The following CUL3 variants were observed in gnomAD, a reference collection of about 807,000 sequenced individuals.
The protein encoded by CUL3 is cullin-3.
A neutral mutation model predicts 89.1 loss-of-function variants in CUL3; 19 were observed. The observed-to-expected ratio is 0.21, with a 90% confidence interval of 0.15 to 0.31. The LOEUF (loss-of-function observed/expected upper bound fraction) is 0.31. Ranked by LOEUF, CUL3 falls within the 10% of genes least tolerant of loss-of-function variation. The pLI is 1.00. For synonymous variants in CUL3, 351 were observed against 308.4 expected, an observed-to-expected ratio of 1.14 and a Z score of -1.45; for missense variants, 469 against 942.3, an observed-to-expected ratio of 0.50 and a Z score of 6.58.
intron 13 of CUL3, among the ~76,000 whole-genome samples, chr2:224,490,775 C>T (rs937039877): frequency 2.0e-5 from 3 of 151,316 alleles, no homozygotes; most frequent in Non-Finnish European, 4.4e-5. Flanking sequence ...TGCTTCTGGA[C>T]TCCCTTTTGT....
rs35741506 is a variant in CUL3 at position 224,557,522 on chromosome 2, AT to A, written c.264+136del. 275,032 of 555,492 alleles carry A rather than the reference AT, an allele frequency of 0.5. 68,829 individuals are homozygous for A. The highest frequency in any genetic ancestry group is 0.61 in the East Asian group (21,392 of 34,964). 34.4% of individuals were successfully genotyped at this position (555,492 alleles called of 1,614,324 possible). A position where few individuals can be genotyped will look rare whatever the true frequency, so the allele number is the denominator to read the frequency against. ...GATTATAAATTTTTCATGAGTGCTT[AT>A]TAACAGTCACGAATTAGTAATTTCT... On this transcript the variant is annotated intron_variant, in intron 2 of 15. Coordinates refer to ENST00000264414, the MANE Select transcript of CUL3 (RefSeq NM_003590.5).
chr2:224,562,123 C>G (rs1694921034), intron 1 of CUL3, among the ~76,000 whole-genome samples: 1 of 152,138 alleles, frequency 6.6e-6, no homozygotes, highest in South Asian at 2.1e-4. Flanking sequence ...AATTTTAAAA[C>G]TATAAAACCA....
rs2106206028 is a variant in CUL3, at chr2:224,506,921, C to T, written c.966G>A (p.Arg322=). Residue 322 remains arginine (R), a synonymous_variant, in exon 7 of 16, where the codon AGG becomes AGA. Transcript: ENST00000264414. The part of the protein sequence containing the change: ...TMCECMSSYL[R]EQGKALVSEE... ...CAGAAACAAGAGCTTTACCTTGCTC[C>T]CTCAAATAGGAACTCATACACTCAC... 2 of 1,613,560 alleles carry T rather than the reference C, an allele frequency of 1.2e-6. No individual in the cohort carries two copies. The highest frequency in any genetic ancestry group is 2.2e-5 in the East Asian group (1 of 44,804).
intron 2 of CUL3, among the ~76,000 whole-genome samples, chr2:224,551,503 T>C (rs1415362317): frequency 1.3e-5 from 2 of 150,990 alleles, no homozygotes; most frequent in Non-Finnish European, 3.0e-5. Flanking sequence ...CCACGCCTGG[T>C]CAATTTTTTT....
intron 15 of CUL3, among the ~76,000 whole-genome samples, chr2:224,477,027 C>T (rs898250560): frequency 5.9e-5 from 9 of 152,202 alleles, no homozygotes; most frequent in African/African-American, 2.2e-4. Context: ...TAACCTGTCA[C>T]GTAATTGCCA....
At position 224,506,049 on chromosome 2, in the gene CUL3, C is replaced by T. The variant is rs922963076; in HGVS notation, c.1113G>A (p.Ala371=). ...GGTTGAGAAAATACTCAAAGTCACC[C>T]GCAATAGTTTGTTTAAAGAGACGGT... The part of the protein sequence containing the change: ...NNDRLFKQTI[A]GDFEYFLNLN... Residue 371 remains alanine, a synonymous_variant, in exon 8 of 16, where the codon GCG becomes GCA. Transcript: ENST00000264414. 3 of 1,612,600 alleles carry T rather than the reference C, an allele frequency of 1.9e-6. No homozygotes were observed. The highest frequency in any genetic ancestry group is 2.5e-6 in the Non-Finnish European group (3 of 1,179,106).
At chr2:224,563,142 A>C in intron 1 of CUL3, 1 of 421,106 alleles carries the variant, frequency 2.4e-6, no homozygotes, top group South Asian at 1.8e-5. Context: ...GCAAATATAC[A>C]GATATGAGCT....
At chr2:224,501,538 A>G (rs1295610302) in intron 10 of CUL3, among the ~76,000 whole-genome samples, 3 of 152,214 alleles carry the variant, frequency 2.0e-5, no homozygotes, top group East Asian at 1.9e-4. Context: ...TCTTACCTCA[A>G]TGATTTAGTA....
intron 1 of CUL3, 42 bp from the exon 2 acceptor site, chr2:224,557,898 A>AAAC: frequency 1.8e-6 from 2 of 1,138,248 alleles, no homozygotes; most frequent in African/African-American, 1.6e-5. Flanking sequence ...AAAAAAAAAA[A>AAAC]AAAAAAACCA....
intron 2 of CUL3, among the ~76,000 whole-genome samples, chr2:224,544,199 A>G (rs899146858): frequency 1.3e-5 from 2 of 152,180 alleles, no homozygotes; most frequent in Admixed American, 1.3e-4. Flanking sequence ...ACTTAGCACC[A>G]CTGCAGAAAA....
At chr2:224,506,769 C>A in intron 7 of CUL3, 89 bp downstream of exon 7, 1 of 1,098,346 alleles carries the variant, frequency 9.1e-7, no homozygotes, top group Non-Finnish European at 1.3e-6. Flanking sequence ...GTTGAAAGTA[C>A]ACAATACACA....
intron 12 of CUL3, 123 bp downstream of exon 12, chr2:224,497,626 CCTTT>C: frequency 1.5e-6 from 1 of 670,944 alleles, no homozygotes; most frequent in African/African-American, 1.8e-5. Flanking sequence ...GGATTTTTAA[CCTTT>C]CTAACATGTG....
chr2:224,577,853 A>C (rs1355544113), intron 1 of CUL3, among the ~76,000 whole-genome samples: 1 of 152,228 alleles, frequency 6.6e-6, no homozygotes, highest in Non-Finnish European at 1.5e-5. Flanking sequence ...CACAGAAGTT[A>C]AACGGATACA....
In CUL3 at chr2:224,511,448, C is replaced by G. The variant is rs746374024; in HGVS notation, c.789G>C (p.Val263=). ...DKSTEEPIVK[V]VERELISKHM... ...GCTTGGAAATGAGTTCCCTTTCAAC[C>G]ACCTTTACAATTGGTTCTTCCGTTG... The change falls in exon 6 of 16, where the codon GTG becomes GTC. Residue 263 remains valine, a synonymous_variant. Transcript: ENST00000264414. The G allele has an allele frequency of 6.2e-7, 1 of 1,613,874 alleles. No individual in the cohort carries two copies. Among genetic ancestry groups the G allele is most frequent in the East Asian group, 2.2e-5 (1 of 44,808 alleles).
At chr2:224,561,678 T>C (rs1044905881) in intron 1 of CUL3, among the ~76,000 whole-genome samples, 2 of 152,208 alleles carry the variant, frequency 1.3e-5, no homozygotes, top group African/African-American at 4.8e-5. Flanking sequence ...CCCCTACACC[T>C]ATACTGCTAC....
chr2:224,543,734 G>A (rs1694197033), intron 2 of CUL3, among the ~76,000 whole-genome samples: 1 of 152,178 alleles, frequency 6.6e-6, no homozygotes, highest in African/African-American at 2.4e-5. Flanking sequence ...TATAATCCCA[G>A]CACTCTGTGA....
At chr2:224,535,247 C>A (rs1482711942) in intron 3 of CUL3, among the ~76,000 whole-genome samples, 1 of 152,124 alleles carries the variant, frequency 6.6e-6, no homozygotes, top group Non-Finnish European at 1.5e-5. Flanking sequence ...AGTGCAGTGG[C>A]ACGATCTTGG....
chr2:224,581,045 A>G (rs996917135), intron 1 of CUL3, among the ~76,000 whole-genome samples: 1 of 152,216 alleles, frequency 6.6e-6, no homozygotes, highest in Non-Finnish European at 1.5e-5. Flanking sequence ...ACTATATTAC[A>G]TATTTTACAT....
intron 2 of CUL3, among the ~76,000 whole-genome samples, chr2:224,538,709 G>A (rs1693981765): frequency 6.6e-6 from 1 of 152,216 alleles, no homozygotes; most frequent in Non-Finnish European, 1.5e-5. Context: ...CAACACCAGA[G>A]AAATTGAGAG....
Sources: gnomAD v4.1 joint callset for allele counts (sites outside exome capture counted in the v4.1 genomes callset) on GRCh38, gnomAD v4.1.1 for gene constraint, MANE v1.5 for transcripts, NCBI Gene and HGNC (gene_info 2026-07-23, HGNC 2026-07-21) for gene names.